The following CMSS1 variants were observed in gnomAD, a reference collection of about 807,000 sequenced individuals.
The protein encoded by CMSS1 is protein CMSS1.
Under a neutral mutation model 43.5 loss-of-function variants are expected in CMSS1, and 33 were observed. That is an observed-to-expected ratio of 0.76 (90% CI 0.57 to 1.01). CMSS1 has a LOEUF of 1.01. CMSS1 is among the 50% of genes least tolerant of loss of function. The pLI is 0.00. For missense variants in CMSS1, 313 were observed against 326.4 expected, an observed-to-expected ratio of 0.96 and a Z score of 0.32; for synonymous variants, 115 against 117.2, an observed-to-expected ratio of 0.98 and a Z score of 0.12.
intron 6 of CMSS1, among the ~76,000 whole-genome samples, chr3:100,169,597 G>A (rs1328544038): frequency 6.6e-6 from 1 of 152,226 alleles, no homozygotes; most frequent in Non-Finnish European, 1.5e-5. Flanking sequence ...TTTCTCCACT[G>A]AAGTGGAGAC....
At chr3:99,821,534 C>T (rs1300348411) in intron 1 of CMSS1, among the ~76,000 whole-genome samples, 2 of 152,186 alleles carry the variant, frequency 1.3e-5, no homozygotes, top group Admixed American at 6.5e-5. Flanking sequence ...GATTTATTTC[C>T]TTATTCCCTG....
chr3:99,924,425 T>G (rs1433646116), intron 1 of CMSS1: 1 of 1,608,858 alleles, frequency 6.2e-7, no homozygotes, highest in Non-Finnish European at 8.5e-7. Flanking sequence ...AAGAAAACAT[T>G]TATAGCCTGT....
intron 1 of CMSS1, among the ~76,000 whole-genome samples, chr3:100,101,315 T>G (rs1473204391): frequency 6.6e-6 from 1 of 152,176 alleles, no homozygotes; most frequent in Admixed American, 6.5e-5. Context: ...GTGCATTGAC[T>G]TCGTTGACTG....
intron 1 of CMSS1, among the ~76,000 whole-genome samples, chr3:99,955,193 C>G (rs557003555): frequency 1.3e-5 from 2 of 152,224 alleles, no homozygotes; most frequent in South Asian, 4.1e-4. Flanking sequence ...TATTAAGAAC[C>G]TGCAGGTCAG....
rs190869884 is a variant in CMSS1, at chr3:100,159,980, T to C, written c.154-450T>C. 494 of 452,000 alleles carry C rather than the reference T, an allele frequency of 1.1e-3. 2 individuals carry two copies. The highest frequency in any genetic ancestry group is 9.1e-3 in the African/African-American group (454 of 49,930). 28.0% of individuals were successfully genotyped at this position (452,000 alleles called of 1,614,324 possible). ...TTGAAAAGAGGAAAGGAATGTATAA[T>C]ACAAAACAATAAACCAGTGACTTGG... On this transcript the variant is annotated intron_variant, in intron 2 of 9. Coordinates refer to ENST00000421999, the MANE Select transcript of CMSS1 (RefSeq NM_032359.4).
chr3:99,961,920 A>C (rs1270453203), intron 1 of CMSS1, among the ~76,000 whole-genome samples: 1 of 152,096 alleles, frequency 6.6e-6, no homozygotes, highest in East Asian at 1.9e-4. Flanking sequence ...GGGACCAAGT[A>C]GTCTGTGATT....
intron 1 of CMSS1, among the ~76,000 whole-genome samples, chr3:99,894,222 A>G (rs1003415485): frequency 6.6e-6 from 1 of 152,236 alleles, no homozygotes; most frequent in Non-Finnish European, 1.5e-5. Context: ...ATTGCATAAG[A>G]TACATAAATA....
chr3:100,177,715 T>C (rs2067159249), intron 9 of CMSS1, among the ~76,000 whole-genome samples: 1 of 152,222 alleles, frequency 6.6e-6, no homozygotes, highest in Non-Finnish European at 1.5e-5. Context: ...GGCATGGCAG[T>C]GCACACCTGT....
chr3:99,968,205 A>G (rs942342362), intron 1 of CMSS1, among the ~76,000 whole-genome samples: 2 of 152,150 alleles, frequency 1.3e-5, no homozygotes, highest in African/African-American at 4.8e-5. Flanking sequence ...GAACATGGGA[A>G]GGGAATTCCA....
intron 1 of CMSS1, among the ~76,000 whole-genome samples, chr3:99,874,111 A>G (rs1320151576): frequency 6.6e-6 from 1 of 152,190 alleles, no homozygotes; most frequent in Non-Finnish European, 1.5e-5. Flanking sequence ...AAAGTTAATA[A>G]ATGGGAAAAA....
At chr3:100,160,128 T>C (rs1180192045) in intron 2 of CMSS1, among the ~76,000 whole-genome samples, 1 of 152,194 alleles carries the variant, frequency 6.6e-6, no homozygotes, top group Non-Finnish European at 1.5e-5. Context: ...TCAGCCACTG[T>C]CTTCAATCTC....
At chr3:99,950,560 A>G (rs949928343) in intron 1 of CMSS1, among the ~76,000 whole-genome samples, 3 of 152,160 alleles carry the variant, frequency 2.0e-5, no homozygotes, top group South Asian at 2.1e-4. Flanking sequence ...AATTTCATTC[A>G]TCGGATAGTA....
At chr3:99,824,512 C>T (rs144932987) in intron 1 of CMSS1, among the ~76,000 whole-genome samples, 1 of 152,316 alleles carries the variant, frequency 6.6e-6, no homozygotes, top group African/African-American at 2.4e-5. Flanking sequence ...TATCTGGATA[C>T]AGCGAAGGCA....
In CMSS1 at chr3:99,851,061, CT is replaced by C. The variant is rs747414783; in HGVS notation, c.64+33020del. 4.4e-6 allele frequency: 7 copies of C among 1,576,994 alleles called. No individual in the cohort carries two copies. The South Asian group carries it at 4.7e-5, about 11-fold the overall frequency. On this transcript the variant is annotated intron_variant, in intron 1 of 9. Coordinates refer to ENST00000421999, the MANE Select transcript of CMSS1 (RefSeq NM_032359.4). ...GAGACTTGATTTCTTGATCAATTAG[CT>C]TCTTTAATCTGAAAAATGTAAAGTG...
intron 1 of CMSS1, among the ~76,000 whole-genome samples, chr3:100,038,119 C>G (rs1021247489): frequency 2.5e-4 from 38 of 152,062 alleles, no homozygotes; most frequent in African/African-American, 8.4e-4. Context: ...CCATGTCCAG[C>G]TAATTTTTGT....
intron 1 of CMSS1, among the ~76,000 whole-genome samples, chr3:99,983,464 GTATATATATATATATATATATATA>G (rs1191587665): frequency 0.01 from 129 of 12,678 alleles, 3 homozygotes; most frequent in African/African-American, 0.025. Context: ...ATATATGTGT[GTATATATATATATATATATATATA>G]TATATATATA....
At chr3:100,095,379 A>G (rs747135295) in intron 1 of CMSS1, among the ~76,000 whole-genome samples, 1 of 152,198 alleles carries the variant, frequency 6.6e-6, no homozygotes, top group Non-Finnish European at 1.5e-5. Context: ...TGGGTTCTGT[A>G]TCCGTGAATT....
intron 1 of CMSS1, among the ~76,000 whole-genome samples, chr3:100,049,714 A>G (rs1262308645): frequency 1.3e-5 from 2 of 152,174 alleles, no homozygotes; most frequent in Non-Finnish European, 2.9e-5. Flanking sequence ...AATAGTAAAT[A>G]TATTTTCTTA....
intron 1 of CMSS1, among the ~76,000 whole-genome samples, chr3:99,942,603 G>A (rs886270965): frequency 2.0e-5 from 3 of 152,132 alleles, no homozygotes; most frequent in South Asian, 2.1e-4. Context: ...AGACCGAGGC[G>A]GGCGGATCAC....
Sources: gnomAD v4.1 joint callset for allele counts (sites outside exome capture counted in the v4.1 genomes callset) on GRCh38, gnomAD v4.1.1 for gene constraint, MANE v1.5 for transcripts, NCBI Gene and HGNC (gene_info 2026-07-23, HGNC 2026-07-21) for gene names.